SUSD5: variants seen among roughly 807,000 people sequenced by gnomAD.
SUSD5 encodes sushi domain containing 5.
Under a neutral mutation model 29.5 loss-of-function variants are expected in SUSD5, and 33 were observed. That is an observed-to-expected ratio of 1.12 (90% CI 0.85 to 1.49). The LOEUF is 1.49. Among genes scored for constraint, SUSD5 ranks in the 40% most tolerant of loss-of-function variants. The probability of loss-of-function intolerance (pLI) is 0.00; values close to 1 mark genes in which losing one functional copy is unlikely to be tolerated. For missense variants in SUSD5, 776 were observed against 800.6 expected (o/e 0.97, Z 0.37); for synonymous variants, 308 against 325.3 (o/e 0.95, Z 0.57).
intron 4 of SUSD5, among the ~76,000 whole-genome samples, chr3:33,161,337 T>C (rs1321451242): frequency 6.6e-6 from 1 of 152,206 alleles, no homozygotes; most frequent in Non-Finnish European, 1.5e-5. Flanking sequence ...CAAGGGTGCC[T>C]GTTATAATTT....
At chr3:33,159,255 A>G (rs2031123137) in intron 4 of SUSD5, among the ~76,000 whole-genome samples, 1 of 152,210 alleles carries the variant, frequency 6.6e-6, no homozygotes, top group African/African-American at 2.4e-5. Context: ...CTCTGCAGAT[A>G]CCAAGACTGA....
intron 2 of SUSD5, among the ~76,000 whole-genome samples, chr3:33,213,666 C>T (rs1184586504): frequency 1.1e-4 from 17 of 151,750 alleles, no homozygotes; most frequent in Admixed American, 2.0e-4. Context: ...CCCAGCTACT[C>T]GGGAGGCTGA....
At chr3:33,169,321 A>G (rs982208193) in intron 4 of SUSD5, among the ~76,000 whole-genome samples, 1 of 152,124 alleles carries the variant, frequency 6.6e-6, no homozygotes, top group African/African-American at 2.4e-5. Flanking sequence ...CCTGGGTTCA[A>G]GTGATTCTTC....
At chr3:33,176,546 C>T (rs2031555410) in intron 3 of SUSD5, among the ~76,000 whole-genome samples, 3 of 152,192 alleles carry the variant, frequency 2.0e-5, no homozygotes, top group Admixed American at 6.5e-5. Flanking sequence ...TTTCCCAAGT[C>T]TGTGACCCAT....
intron 3 of SUSD5, among the ~76,000 whole-genome samples, chr3:33,199,247 C>CAT (rs60865684): frequency 3.3e-5 from 5 of 149,798 alleles, no homozygotes; most frequent in Admixed American, 6.7e-5. Flanking sequence ...CACACACACA[C>CAT]GTTTACACAT....
intron 4 of SUSD5, among the ~76,000 whole-genome samples, chr3:33,157,733 C>A (rs966918933): frequency 2.0e-5 from 3 of 152,188 alleles, no homozygotes; most frequent in Admixed American, 6.5e-5. Flanking sequence ...TGCCTCGGAG[C>A]CCTGCCAGCT....
rs553303520 is a variant in SUSD5 at position 33,172,069 on chromosome 3, T to A, written c.598+2817A>T. Among the ~76,000 whole-genome samples, 5 of 152,074 alleles carry A rather than the reference T, an allele frequency of 3.3e-5. No homozygotes were observed. The South Asian group carries it at 1.0e-3, about 32-fold the overall frequency. ...TCCAATCAGCCAGTACAACGAAGAG[T>A]GATTATCCAAACCCAGATGGATCCA... On this transcript the variant is annotated intron_variant, in intron 4 of 4. Transcript: ENST00000309558.
intron 3 of SUSD5, among the ~76,000 whole-genome samples, chr3:33,199,372 C>T (rs2032062743): frequency 6.6e-6 from 1 of 152,192 alleles, no homozygotes; most frequent in African/African-American, 2.4e-5. Flanking sequence ...CTCCCGGGTT[C>T]ACACCATTCT....
intron 3 of SUSD5, among the ~76,000 whole-genome samples, chr3:33,185,777 T>C (rs1190676448): frequency 6.6e-6 from 1 of 152,216 alleles, no homozygotes; most frequent in African/African-American, 2.4e-5. Flanking sequence ...TACTTCAATC[T>C]TTGGTAGCAG....
chr3:33,166,931 C>A (rs990630801), intron 4 of SUSD5, among the ~76,000 whole-genome samples: 1 of 152,138 alleles, frequency 6.6e-6, no homozygotes, highest in Non-Finnish European at 1.5e-5. Context: ...GTAATCCCAG[C>A]ACTTTGGGAG....
intron 4 of SUSD5, among the ~76,000 whole-genome samples, chr3:33,166,389 T>C (rs1409555935): frequency 1.3e-5 from 2 of 152,348 alleles, no homozygotes; most frequent in Admixed American, 6.5e-5. Flanking sequence ...CATGCTCTTA[T>C]ACGGATAGGG....
chr3:33,203,210 C>T (rs1036865312), intron 3 of SUSD5, among the ~76,000 whole-genome samples: 3 of 152,200 alleles, frequency 2.0e-5, no homozygotes, highest in Non-Finnish European at 2.9e-5. Flanking sequence ...CTGAGAAGGG[C>T]GGAGGGCCTT....
chr3:33,210,375 C>A lies in SUSD5; in HGVS notation c.291-2449G>T, dbSNP rs539763455. ...CCCAAAGCAAAACGGCTCACTGGGT[C>A]CCCTCCTACACAGAAGGTGAATTCA... is the stretch of plus-strand genomic sequence containing the variant. On this transcript the variant is annotated intron_variant, in intron 2 of 4. Transcript: ENST00000309558. Among the ~76,000 whole-genome samples, 4 of 152,334 alleles carry A rather than the reference C, an allele frequency of 2.6e-5. No homozygotes were observed. The South Asian group carries it at 8.3e-4, about 32-fold the overall frequency.
intron 3 of SUSD5, among the ~76,000 whole-genome samples, chr3:33,180,700 C>A (rs1273549319): frequency 6.6e-6 from 1 of 151,840 alleles, no homozygotes; most frequent in Non-Finnish European, 1.5e-5. Flanking sequence ...ATTATCCAGG[C>A]GTGGTGGTGC....
At position 33,196,157 on chromosome 3, in the gene SUSD5, AT is replaced by A. The variant is rs2031992035; in HGVS notation, c.409+11650del. 5.3e-5 allele frequency among the ~76,000 whole-genome samples: 8 copies of A among 152,266 alleles called. 1 individual carries two copies. In the South Asian group the frequency reaches 1.7e-3, roughly 32 times the overall value. ...AAGTCATGATGGTAACTGAATACCC[AT>A]TGTCCTTAAACCAAATAAAGCCAAC... On this transcript the variant is annotated intron_variant, in intron 3 of 4. Coordinates refer to ENST00000309558, the MANE Select transcript of SUSD5 (RefSeq NM_015551.2).
intron 2 of SUSD5, among the ~76,000 whole-genome samples, chr3:33,208,189 T>A (rs2032259051): frequency 6.6e-6 from 1 of 152,226 alleles, no homozygotes; most frequent in African/African-American, 2.4e-5. Context: ...ATGTTGGTTT[T>A]TATTTCATAA....
At position 33,153,173 on chromosome 3, in the gene SUSD5, A is replaced by C. The variant is rs2030954648; in HGVS notation, c.1459T>G (p.Ser487Ala). The C allele has an allele frequency of 1.2e-6, 2 of 1,613,688 alleles. No individual in the cohort carries two copies. Among genetic ancestry groups the C allele is most frequent in the African/African-American group, 2.7e-5 (2 of 74,930 alleles). The part of the protein sequence containing the change: ...ITEESPMATL[S>A]YELTSSTLEI... ...AGGGTGGAGCTGGTGAGCTCATAGG[A>C]CAGGGTGGCCATGGGAGATTCCTCT... The change falls in exon 5 of 5, where the codon TCC becomes GCC. Residue 487 changes from serine (S) to alanine (A), a missense_variant. Ser to Ala is a moderately conservative substitution (Grantham distance 99). Coordinates refer to ENST00000309558, the MANE Select transcript of SUSD5 (RefSeq NM_015551.2).
intron 3 of SUSD5, among the ~76,000 whole-genome samples, chr3:33,207,251 CA>C (rs2032239282): frequency 1.3e-5 from 2 of 152,120 alleles, no homozygotes; most frequent in South Asian, 4.1e-4. Flanking sequence ...GACTGGAGGG[CA>C]AGCTTTGAAC....
intron 4 of SUSD5, among the ~76,000 whole-genome samples, chr3:33,171,345 T>TAA (rs11414073): frequency 2.0e-4 from 29 of 148,386 alleles, no homozygotes; most frequent in Admixed American, 7.4e-4. Context: ...GACTCCTTCT[T>TAA]AAAAAAAAAA....
Sources: gnomAD v4.1 joint callset for allele counts (sites outside exome capture counted in the v4.1 genomes callset) on GRCh38, gnomAD v4.1.1 for gene constraint, MANE v1.5 for transcripts, NCBI Gene and HGNC (gene_info 2026-07-23, HGNC 2026-07-21) for gene names.